ZNF827: variants seen among roughly 807,000 people sequenced by gnomAD.
ZNF827 encodes zinc finger protein 827.
A neutral mutation model predicts 102.4 loss-of-function variants in ZNF827; 13 were observed. That is an observed-to-expected ratio of 0.13 (90% confidence interval 0.08 to 0.20). The LOEUF (loss-of-function observed/expected upper bound fraction) is 0.20, where lower values mean the gene tolerates loss of function less well. ZNF827 is among the 10% of genes least tolerant of loss of function. The pLI is 1.00. For missense variants in ZNF827, 1,103 were observed against 1,344.4 expected, an observed-to-expected ratio of 0.82 and a Z score of 2.81; for synonymous variants, 523 against 536.2, an observed-to-expected ratio of 0.98 and a Z score of 0.34.
chr4:145,802,855 A>G lies in ZNF827; in HGVS notation c.2383+20567T>C, dbSNP rs577060499. 2.0e-5 allele frequency among the ~76,000 whole-genome samples: 3 copies of G among 152,300 alleles called. No individual in the cohort carries two copies. The East Asian group carries it at 5.8e-4, about 29-fold the overall frequency. On this transcript the variant is annotated intron_variant, in intron 8 of 14. Coordinates refer to ENST00000508784, the MANE Select transcript of ZNF827 (RefSeq NM_001306215.2). Reference sequence around the variant, plus strand: ...CTACTCGGGAGGCTGAGGCAGGATCACTTGAGCCTTGGAGATTGAGGCTGC... The same window carrying G: ...CTACTCGGGAGGCTGAGGCAGGATCGCTTGAGCCTTGGAGATTGAGGCTGC...
chr4:145,916,935 G>A (rs1041824520), intron 1 of ZNF827, among the ~76,000 whole-genome samples: 2 of 152,144 alleles, frequency 1.3e-5, no homozygotes, highest in Non-Finnish European at 2.9e-5. Context: ...CTTTACTCCA[G>A]TTTCCAATAA....
intron 3 of ZNF827, 88 bp downstream of exon 3, chr4:145,892,155 T>C: frequency 1.5e-6 from 2 of 1,358,116 alleles, no homozygotes; most frequent in South Asian, 3.6e-5. Context: ...GCGCCCTCCC[T>C]CGGCCAAGAA....
chr4:145,888,358 T>G (rs972067711), intron 3 of ZNF827, among the ~76,000 whole-genome samples: 1 of 152,254 alleles, frequency 6.6e-6, no homozygotes, highest in African/African-American at 2.4e-5. Flanking sequence ...TTTAAAGATC[T>G]TCTTAGTCTA....
chr4:145,851,335 TAAAAC>T (rs1426346868), intron 5 of ZNF827, among the ~76,000 whole-genome samples: 2 of 151,876 alleles, frequency 1.3e-5, no homozygotes, highest in Non-Finnish European at 2.9e-5. Context: ...GGTACACAGA[TAAAAC>T]AAACAGCAAG....
At chr4:145,764,768 A>C in intron 13 of ZNF827, 7 of 579,182 alleles carry the variant, frequency 1.2e-5, no homozygotes, top group Non-Finnish European at 1.5e-5. Flanking sequence ...ATCCCGGGGT[A>C]TTTGCAAAAT....
rs747672454 is a variant in ZNF827 at position 145,849,570 on chromosome 4, A to AG, written c.1982-10dup. On this transcript the variant is annotated splice_polypyrimidine_tract_variant and intron_variant, in intron 5 of 14. Coordinates refer to ENST00000508784, the MANE Select transcript of ZNF827 (RefSeq NM_001306215.2). ...TTCCTTGTAGCTTTCCGCTGCAAGT[A>AG]GGTGAATGAAGAGAAACAAAAACAC... The AG allele has an allele frequency of 2.5e-6, 4 of 1,612,776 alleles. No homozygotes were observed.
At chr4:145,857,280 T>C (rs1187239893) in intron 5 of ZNF827, among the ~76,000 whole-genome samples, 1 of 152,208 alleles carries the variant, frequency 6.6e-6, no homozygotes, top group Non-Finnish European at 1.5e-5. Flanking sequence ...ACTTTTTGAA[T>C]TTGCAAAGAA....
rs756320887 is a variant in ZNF827, at chr4:145,885,904, T to C, written c.1521A>G (p.Pro507=). 2 of 1,614,242 alleles carry C rather than the reference T, an allele frequency of 1.2e-6. No homozygotes were observed. The highest frequency in any genetic ancestry group is 1.7e-6 in the Non-Finnish European group (2 of 1,180,036). The change falls in exon 4 of 15, where the codon CCA becomes CCG. Residue 507 remains proline, a synonymous_variant. Coordinates refer to ENST00000508784, the MANE Select transcript of ZNF827 (RefSeq NM_001306215.2). ...CAGCCCCTCCCTGGCTAGTCCTCTC[T>C]GGAGTGTTAGACGTCATCATGGTCC... ...LVGTMMTSNT[P]ERTSQGGAGV...
intron 4 of ZNF827, among the ~76,000 whole-genome samples, chr4:145,875,402 T>C (rs1244488156): frequency 6.6e-6 from 1 of 152,168 alleles, no homozygotes; most frequent in African/African-American, 2.4e-5. Flanking sequence ...AACCCCTTCC[T>C]TTCTCTCCAA....
intron 5 of ZNF827, among the ~76,000 whole-genome samples, chr4:145,867,573 A>G (rs1355907800): frequency 6.6e-6 from 1 of 152,228 alleles, no homozygotes; most frequent in East Asian, 1.9e-4. Context: ...CCTCAAGGAA[A>G]TAAGTAACAG....
At chr4:145,785,519 C>T (rs1222641042) in intron 8 of ZNF827, among the ~76,000 whole-genome samples, 3 of 152,146 alleles carry the variant, frequency 2.0e-5, no homozygotes, top group Admixed American at 6.5e-5. Context: ...TATTCCAGGA[C>T]CTCTCCTGCC....
intron 13 of ZNF827, chr4:145,764,651 G>C (rs1480209861): frequency 1.8e-5 from 5 of 283,052 alleles, no homozygotes; most frequent in African/African-American, 1.1e-4. Context: ...TTATGCTTGG[G>C]GACACTAAGC....
At chr4:145,796,430 G>A (rs745344104) in intron 8 of ZNF827, among the ~76,000 whole-genome samples, 2 of 152,088 alleles carry the variant, frequency 1.3e-5, no homozygotes, top group Non-Finnish European at 2.9e-5. Flanking sequence ...GGGGAAGGGT[G>A]GAAGGGAGAC....
In ZNF827 at chr4:145,765,297, TC is replaced by T; in HGVS notation, c.3053-133del. On this transcript the variant is annotated intron_variant, in intron 12 of 14. Transcript: ENST00000508784. The surrounding 1 kb of genome is among the most constrained non-coding windows in gnomAD (Gnocchi z 4.7). ...ACAGCTATACCCTTCCAGGCACTGT[TC>T]CCCATATCTCTGTGCTAAAAGGAGT... is the stretch of plus-strand genomic sequence containing the variant. The T allele has an allele frequency of 9.4e-7, 1 of 1,064,128 alleles. No individual in the cohort carries two copies. The allele number at this position is 1,064,128 out of a possible 1,614,324, so 65.9% of individuals were successfully genotyped here.
At chr4:145,865,269 T>C (rs1748083333) in intron 5 of ZNF827, among the ~76,000 whole-genome samples, 1 of 152,232 alleles carries the variant, frequency 6.6e-6, no homozygotes, top group Non-Finnish European at 1.5e-5. Flanking sequence ...CATTATTTCA[T>C]AATAAATTAA....
chr4:145,872,171 T>C (rs1374248437), intron 4 of ZNF827, among the ~76,000 whole-genome samples: 8 of 152,210 alleles, frequency 5.3e-5, no homozygotes, highest in Non-Finnish European at 1.2e-4. Flanking sequence ...GACTCAATTG[T>C]GTCCCTTCAT....
At chr4:145,888,301 G>A (rs530592325) in intron 3 of ZNF827, among the ~76,000 whole-genome samples, 8 of 152,082 alleles carry the variant, frequency 5.3e-5, no homozygotes, top group African/African-American at 1.9e-4. Flanking sequence ...CCTGACATTC[G>A]AGCACTTTTC....
chr4:145,822,171 G>A (rs1367225527), intron 8 of ZNF827, among the ~76,000 whole-genome samples: 1 of 152,158 alleles, frequency 6.6e-6, no homozygotes, highest in Non-Finnish European at 1.5e-5. Context: ...ATTATGTAAT[G>A]TGTTTTTGTG....
intron 5 of ZNF827, among the ~76,000 whole-genome samples, chr4:145,856,979 G>GCGCA (rs909955751): frequency 6.9e-4 from 69 of 100,316 alleles, no homozygotes; most frequent in Non-Finnish European, 1.2e-3. Flanking sequence ...GCGCGCGCAC[G>GCGCA]CGCACGCACA....
Sources: allele counts gnomAD v4.1 joint callset (sites outside exome capture counted in the v4.1 genomes callset), GRCh38; gene constraint gnomAD v4.1.1; non-coding constraint Gnocchi (gnomAD v3.1); transcripts MANE v1.5; gene names NCBI Gene and HGNC (gene_info 2026-07-23, HGNC 2026-07-21).